Variants in MAML3 observed in about 807,000 individuals in gnomAD.
The protein encoded by MAML3 is mastermind like transcriptional coactivator 3.
A neutral mutation model predicts 101.9 loss-of-function variants in MAML3; 27 were observed. The ratio of observed to expected loss-of-function variants is 0.27; its 90% CI spans 0.20 to 0.37. The LOEUF is 0.37. Ranked by LOEUF, MAML3 falls within the 10% of genes least tolerant of loss-of-function variation. MAML3 has a pLI of 1.00. For synonymous variants in MAML3, 501 were observed against 555.9 expected (o/e 0.90, Z 1.39); for missense variants, 1,316 against 1,444.9 (o/e 0.91, Z 1.45).
intron 2 of MAML3, among the ~76,000 whole-genome samples, chr4:139,835,556 A>G (rs1008628666): frequency 1.3e-5 from 2 of 152,212 alleles, no homozygotes; most frequent in African/African-American, 4.8e-5. Flanking sequence ...TGATAATACT[A>G]TACAGACTGG....
intron 1 of MAML3, among the ~76,000 whole-genome samples, chr4:139,994,173 TTCTGTTTCATTCCAATCC>T (rs1734757322): frequency 6.6e-6 from 1 of 152,238 alleles, no homozygotes. Context: ...ACTCCCAAAA[TTCTGTTTCATTCCAATCC>T]ATGAACTGGA....
intron 2 of MAML3, among the ~76,000 whole-genome samples, chr4:139,797,747 C>A (rs111744025): frequency 3.3e-5 from 5 of 152,184 alleles, no homozygotes; most frequent in Admixed American, 1.3e-4. Flanking sequence ...ATATGTCTAT[C>A]CCCTGCACCC....
At chr4:139,876,293 A>C (rs1732113444) in intron 2 of MAML3, among the ~76,000 whole-genome samples, 1 of 152,250 alleles carries the variant, frequency 6.6e-6, no homozygotes, top group South Asian at 2.1e-4. Flanking sequence ...TAAAAATCAC[A>C]TAGTTTGCAC....
intron 1 of MAML3, among the ~76,000 whole-genome samples, chr4:139,894,203 A>T (rs1302608203): frequency 6.6e-6 from 1 of 152,138 alleles, no homozygotes; most frequent in Non-Finnish European, 1.5e-5. Context: ...CTTTTTCATA[A>T]GTAGATGATT....
At chr4:140,067,598 G>A (rs1727560743) in intron 1 of MAML3, among the ~76,000 whole-genome samples, 1 of 152,078 alleles carries the variant, frequency 6.6e-6, no homozygotes, top group African/African-American at 2.4e-5. Flanking sequence ...ATACTCAATG[G>A]CCAAGATTAG....
intron 2 of MAML3, among the ~76,000 whole-genome samples, chr4:139,745,656 A>G (rs1185261080): frequency 6.6e-6 from 1 of 152,240 alleles, no homozygotes; most frequent in Non-Finnish European, 1.5e-5. Context: ...TGGCTACCAG[A>G]AACCTGGCAG....
intron 2 of MAML3, among the ~76,000 whole-genome samples, chr4:139,838,801 G>A (rs1380658061): frequency 2.0e-5 from 3 of 152,116 alleles, no homozygotes; most frequent in East Asian, 1.9e-4. Context: ...TATAAAACAC[G>A]CACTGCCACT....
intron 1 of MAML3, among the ~76,000 whole-genome samples, chr4:140,135,788 T>G (rs1352250959): frequency 2.0e-5 from 3 of 152,264 alleles, no homozygotes; most frequent in African/African-American, 7.2e-5. Context: ...AGTGTCCCCA[T>G]GTGCTGCACA....
At chr4:140,073,866 G>A (rs1228296416) in intron 1 of MAML3, among the ~76,000 whole-genome samples, 1 of 151,970 alleles carries the variant, frequency 6.6e-6, no homozygotes, top group Non-Finnish European at 1.5e-5. Context: ...AGGTGTGGTG[G>A]CTCATACCTG....
chr4:139,859,475 G>A (rs755600427), intron 2 of MAML3, among the ~76,000 whole-genome samples: 5 of 151,762 alleles, frequency 3.3e-5, no homozygotes, highest in Non-Finnish European at 5.9e-5. Flanking sequence ...CCAAAGTGCT[G>A]GGATTACAGG....
At chr4:140,120,560 C>G (rs965756271) in intron 1 of MAML3, among the ~76,000 whole-genome samples, 2 of 152,178 alleles carry the variant, frequency 1.3e-5, no homozygotes, top group African/African-American at 4.8e-5. Flanking sequence ...CCACATTAAT[C>G]TTTTGCATTT....
intron 2 of MAML3, among the ~76,000 whole-genome samples, chr4:139,826,446 C>T (rs1419374294): frequency 7.2e-5 from 11 of 152,048 alleles, no homozygotes; most frequent in Non-Finnish European, 1.0e-4. Context: ...TTTATGAACA[C>T]GAATCGCATA....
intron 1 of MAML3, among the ~76,000 whole-genome samples, chr4:140,056,651 T>C (rs562704176): frequency 6.6e-5 from 10 of 151,712 alleles, no homozygotes; most frequent in South Asian, 4.2e-4. Flanking sequence ...TACTAAAAAA[T>C]ACCAAAAAAT....
Position 140,019,298 on chromosome 4 carries a change from A to G in MAML3, c.469-128331T>C, listed in dbSNP as rs982143957. Among the ~76,000 whole-genome samples the G allele has an allele frequency of 5.3e-5, 8 of 152,286 alleles. No homozygotes were observed. The East Asian group carries it at 1.5e-3, about 29-fold the overall frequency. On this transcript the variant is annotated intron_variant, in intron 1 of 4. Transcript: ENST00000509479. ...GCAGGTCCCTCAGAAGCCTGAGTGAAGTATACCTTAGTCACCCTGTAATTA... is the reference window on the plus strand; with the variant it reads ...GCAGGTCCCTCAGAAGCCTGAGTGAGGTATACCTTAGTCACCCTGTAATTA...
intron 1 of MAML3, among the ~76,000 whole-genome samples, chr4:139,991,588 C>T (rs1314835814): frequency 6.6e-6 from 1 of 152,094 alleles, no homozygotes; most frequent in Non-Finnish European, 1.5e-5. Context: ...CAACATAAAT[C>T]TTGTTCTTGA....
intron 2 of MAML3, among the ~76,000 whole-genome samples, chr4:139,868,400 C>T (rs908098271): frequency 2.0e-5 from 3 of 152,104 alleles, no homozygotes; most frequent in Non-Finnish European, 4.4e-5. Context: ...CTTGATACTA[C>T]GAAAATAAAT....
At position 139,944,159 on chromosome 4, in the gene MAML3, C is replaced by T. The variant is rs564589641; in HGVS notation, c.469-53192G>A. ...TGCTGGGATTATAGGCATAAGCCACCGTGCCCGGCCTAAAGACAACATTTT... is the reference window on the plus strand; with the variant it reads ...TGCTGGGATTATAGGCATAAGCCACTGTGCCCGGCCTAAAGACAACATTTT... On this transcript the variant is annotated intron_variant, in intron 1 of 4. Transcript: ENST00000509479. 5.9e-5 allele frequency among the ~76,000 whole-genome samples: 9 copies of T among 152,044 alleles called. No individual in the cohort carries two copies. The South Asian group carries it at 1.2e-3, about 21-fold the overall frequency.
intron 1 of MAML3, among the ~76,000 whole-genome samples, chr4:140,024,505 A>AGCGTGTGCTGGGATTACAG (rs766081671): frequency 2.6e-5 from 4 of 152,122 alleles, no homozygotes; most frequent in Admixed American, 6.5e-5. Context: ...CTGGATTACA[A>AGCGTGTGCTGGGATTACAG]GCGTGTGCTG....
chr4:140,069,973 A>G (rs1488629195), intron 1 of MAML3, among the ~76,000 whole-genome samples: 3 of 151,954 alleles, frequency 2.0e-5, no homozygotes, highest in African/African-American at 7.3e-5. Flanking sequence ...AAAATTAGCT[A>G]GGTGTGGTGG....
Sources: gnomAD v4.1 joint callset for allele counts (sites outside exome capture counted in the v4.1 genomes callset) on GRCh38, gnomAD v4.1.1 for gene constraint, MANE v1.5 for transcripts, NCBI Gene and HGNC (gene_info 2026-07-23, HGNC 2026-07-21) for gene names.